The following URB1 variants were observed in gnomAD, a reference collection of about 807,000 sequenced individuals.
The protein encoded by URB1 is URB1 ribosome biogenesis factor, also known as nucleolar pre-ribosomal-associated protein 1.
Under a neutral mutation model 242.3 loss-of-function variants are expected in URB1, and 197 were observed. The ratio of observed to expected loss-of-function variants is 0.81; its 90% CI spans 0.72 to 0.91. The LOEUF is 0.91. Ranked by LOEUF, URB1 falls within the 40% of genes least tolerant of loss-of-function variation. The pLI, the probability that URB1 is intolerant of heterozygous loss-of-function variation, is 0.00. For missense variants in URB1, 2,721 were observed against 2,860.5 expected (o/e 0.95, Z 1.11); for synonymous variants, 1,153 against 1,201.8 (o/e 0.96, Z 0.84).
chr21:32,329,772 A>G (rs150221019), intron 30 of URB1, among the ~76,000 whole-genome samples: 28 of 152,268 alleles, frequency 1.8e-4, no homozygotes, highest in African/African-American at 5.8e-4. Context: ...TAGTTTAGCA[A>G]TATCTGGACC....
Position 32,317,123 on chromosome 21 carries a change from C to A in URB1, c.6035-58G>T. 8.2e-6 allele frequency: 12 copies of A among 1,458,674 alleles called. No individual in the cohort carries two copies. In the South Asian group the frequency reaches 1.7e-4, roughly 21 times the overall value. 90.4% of individuals were successfully genotyped at this position (1,458,674 alleles called of 1,614,324 possible). A position where few individuals can be genotyped will look rare whatever the true frequency, so the allele number is the denominator to read the frequency against. ...TGGGGTCCCTCCTGCCCACACAGATCCAGATGTGGGGAGGTGTCAATGGGG... is the reference window on the plus strand; with the variant it reads ...TGGGGTCCCTCCTGCCCACACAGATACAGATGTGGGGAGGTGTCAATGGGG... On this transcript the variant is annotated intron_variant, in intron 37 of 38. Transcript: ENST00000382751.
At chr21:32,379,543 T>G (rs1303375237) in intron 4 of URB1, among the ~76,000 whole-genome samples, 7 of 152,154 alleles carry the variant, frequency 4.6e-5, no homozygotes, top group East Asian at 1.9e-4. Context: ...GTGATGATGA[T>G]GAGGAGGAGG....
In URB1 at chr21:32,312,984, C is replaced by G. The variant is rs2032615707; in HGVS notation, c.*1934G>C. 6.6e-6 allele frequency: 1 copy of G among 152,188 alleles called. No homozygotes were observed. The highest frequency in any genetic ancestry group is 2.4e-5 in the African/African-American group (1 of 41,416). The allele number at this position is 152,188 out of a possible 1,614,324, so 9.4% of individuals were successfully genotyped here. On this transcript the variant is annotated 3_prime_UTR_variant, in exon 39 of 39. Transcript: ENST00000382751. ...GGAAAATACACGAACAAGGTCAGGGCAGTGGATTTAAAAGGGAGAACAAAG... is the reference window on the plus strand; with the variant it reads ...GGAAAATACACGAACAAGGTCAGGGGAGTGGATTTAAAAGGGAGAACAAAG...
chr21:32,317,990 T>C (rs961589337), intron 36 of URB1, 73 bp from the exon 37 acceptor site: 1 of 1,521,476 alleles, frequency 6.6e-7, no homozygotes, highest in Non-Finnish European at 8.9e-7. Context: ...TGCGGCACCC[T>C]GACGACATCA....
At chr21:32,332,150 C>A (rs1432626347) in intron 30 of URB1, among the ~76,000 whole-genome samples, 1 of 152,146 alleles carries the variant, frequency 6.6e-6, no homozygotes, top group Non-Finnish European at 1.5e-5. Flanking sequence ...GGACATCACA[C>A]CTCACAGAAA....
rs546422221 is a variant in URB1, at chr21:32,352,156, T to C, written c.2613+554A>G. Among the ~76,000 whole-genome samples the C allele has an allele frequency of 1.8e-3, 271 of 152,286 alleles. 2 individuals carry two copies. Among genetic ancestry groups the C allele is most frequent in the African/African-American group, 6.2e-3 (256 of 41,560 alleles). ...CTAAAATGAAATGAATGCACAAAAA[T>C]GCATACCACAAATTTCGTGCCCCAC... On this transcript the variant is annotated intron_variant, in intron 19 of 38. Coordinates refer to ENST00000382751, the MANE Select transcript of URB1 (RefSeq NM_014825.3).
At position 32,350,830 on chromosome 21, in the gene URB1, C is replaced by T. The variant is rs368432855; in HGVS notation, c.2706G>A (p.Ala902=). ...GCACCTGGATGTGCTCGTCCCGAAG[C>T]GCTTGGCTCTCGTAGGCTGCCTGCA... ...ALLQAAYESQ[A]LRDEHIQVQL... Residue 902 remains alanine, a synonymous_variant, in exon 20 of 39, where the codon GCG becomes GCA. Coordinates refer to ENST00000382751, the MANE Select transcript of URB1 (RefSeq NM_014825.3). The T allele has an allele frequency of 1.2e-4, 189 of 1,551,196 alleles. No homozygotes were observed. Among genetic ancestry groups the T allele is most frequent in the Non-Finnish European group, 1.5e-4 (177 of 1,147,004 alleles).
In URB1 at chr21:32,349,382, T is replaced by A. The variant is rs1396057906; in HGVS notation, c.2934A>T (p.Arg978Ser). 2.6e-6 allele frequency: 4 copies of A among 1,551,478 alleles called. No individual in the cohort carries two copies. The highest frequency in any genetic ancestry group is 3.5e-6 in the Non-Finnish European group (4 of 1,146,966). The part of the protein sequence containing the change: ...CEQLDAQNQQ[R>S]CEAARAEADL... The stretch of plus-strand genomic sequence containing the variant: ...CGGCTTCGGCCCGGGCGGCCTCGCA[T>A]CTCTGCTGGTTCTGGGCATCCAGCT... Residue 978 changes from arginine to serine, a missense_variant, in exon 21 of 39, where the codon AGA (arginine) becomes AGT (serine). Transcript: ENST00000382751.
chr21:32,363,053 G>A (rs1254481297), intron 11 of URB1, 103 bp downstream of exon 11: 17 of 1,413,848 alleles, frequency 1.2e-5, no homozygotes, highest in South Asian at 1.2e-4. Context: ...CCAACCCTGC[G>A]GCTCCAAGGA....
intron 12 of URB1, 44 bp from the exon 13 acceptor site, chr21:32,361,167 G>A: frequency 3.3e-6 from 2 of 604,634 alleles, no homozygotes; most frequent in Non-Finnish European, 5.4e-6. Context: ...AAAAAAGAAA[G>A]AAAGAAAGAA....
At chr21:32,366,877 C>T (rs1198848863) in intron 9 of URB1, 122 bp from the exon 10 acceptor site, 1 of 1,087,800 alleles carries the variant, frequency 9.2e-7, no homozygotes. Flanking sequence ...AGGTCCGAGA[C>T]TCCCCACAAG....
intron 30 of URB1, among the ~76,000 whole-genome samples, chr21:32,328,381 G>A (rs1017858965): frequency 6.6e-6 from 1 of 152,154 alleles, no homozygotes; most frequent in African/African-American, 2.4e-5. Context: ...CAAGTGATCA[G>A]CTCGCCTTGG....
Position 32,352,737 on chromosome 21 carries a change from C to T in URB1, c.2586G>A (p.Trp862Ter). 2 of 1,551,542 alleles carry T rather than the reference C, an allele frequency of 1.3e-6. No individual in the cohort carries two copies. Among genetic ancestry groups the T allele is most frequent in the Non-Finnish European group, 1.7e-6 (2 of 1,146,966 alleles). The stretch of plus-strand genomic sequence containing the variant: ...AGGCCTCTCGGGCTTGCTCCGGGAT[C>T]CAGAGGCTGTAGTATCTGTTAAACC... ...LSRFNRYYSL[W>*]IPEQAREAWL... The change falls in exon 19 of 39, where the codon TGG becomes TGA. Residue 862 changes from tryptophan (W) to a stop codon, truncating the protein, a stop_gained. Transcript: ENST00000382751. LOFTEE classifies it high-confidence loss of function.
chr21:32,349,765 A>C (rs967833688), intron 20 of URB1, among the ~76,000 whole-genome samples: 1 of 152,356 alleles, frequency 6.6e-6, no homozygotes, highest in Non-Finnish European at 1.5e-5. Flanking sequence ...TCAGGAACAG[A>C]AATTCATCAG....
At position 32,314,548 on chromosome 21, in the gene URB1, C is replaced by T; in HGVS notation, c.*370G>A. On this transcript the variant is annotated 3_prime_UTR_variant, in exon 39 of 39. Coordinates refer to ENST00000382751, the MANE Select transcript of URB1 (RefSeq NM_014825.3). ...AAAAATCTGATACCTTTTGACATTT[C>T]AGCTTTAACACAGATGAATCTCTTC... The T allele has an allele frequency of 1.9e-6, 3 of 1,613,328 alleles. No individual in the cohort carries two copies. The highest frequency in any genetic ancestry group is 2.5e-6 in the Non-Finnish European group (3 of 1,179,230).
At chr21:32,383,816 A>G (rs919826745) in intron 3 of URB1, among the ~76,000 whole-genome samples, 1 of 152,212 alleles carries the variant, frequency 6.6e-6, no homozygotes, top group Non-Finnish European at 1.5e-5. Flanking sequence ...CTCTGGAGTG[A>G]GCCACTGTGT....
rs1177944463 is a variant in URB1 at position 32,350,973 on chromosome 21, T to C, written c.2614-51A>G. On this transcript the variant is annotated intron_variant, in intron 19 of 38. Transcript: ENST00000382751. ...GAAGAGAAAGACACATCACCACAGA[T>C]GAAAACGGTCATAGGCACAGGTAAC... 2.0e-6 allele frequency: 3 copies of C among 1,512,780 alleles called. No individual in the cohort carries two copies. In the African/African-American group the frequency reaches 4.1e-5, roughly 21 times the overall value. The allele number at this position is 1,512,780 out of a possible 1,614,324, so 93.7% of individuals were successfully genotyped here.
intron 23 of URB1, 92 bp downstream of exon 23, chr21:32,345,282 A>C: frequency 1.5e-6 from 2 of 1,337,382 alleles, no homozygotes; most frequent in Non-Finnish European, 2.1e-6. Context: ...GCACAACAGT[A>C]ATGCAGCAGT....
In URB1 at chr21:32,354,045, T is replaced by C. The variant is rs1243053160; in HGVS notation, c.2304A>G (p.Ile768Met). The C allele has an allele frequency of 6.4e-7, 1 of 1,551,728 alleles. No individual in the cohort carries two copies. The change falls in exon 18 of 39, where the codon ATA becomes ATG. Residue 768 changes from isoleucine (I) to methionine (M), a missense_variant. Transcript: ENST00000382751. ...TCATGTCTTCACTCAACGTGAACCCTATTTCCTCATCCAAGCCTTCACTGC... is the reference window on the plus strand; with the variant it reads ...TCATGTCTTCACTCAACGTGAACCCCATTTCCTCATCCAAGCCTTCACTGC... Reference protein sequence around the residue: ...VEGSEGLDEEIGFTLSEDMIL... With the variant: ...VEGSEGLDEEMGFTLSEDMIL...
Sources: allele counts gnomAD v4.1 joint callset (sites outside exome capture counted in the v4.1 genomes callset), GRCh38; gene constraint gnomAD v4.1.1; transcripts MANE v1.5; gene names NCBI Gene and HGNC (gene_info 2026-07-23, HGNC 2026-07-21).